ARHGAP24: variants seen among roughly 807,000 people sequenced by gnomAD.
ARHGAP24 encodes the protein rho GTPase-activating protein 24.
Under a neutral mutation model 76.4 loss-of-function variants are expected in ARHGAP24, and 50 were observed. The ratio of observed to expected loss-of-function variants is 0.65; its 90% CI spans 0.52 to 0.83. The LOEUF is 0.83. Ranked by LOEUF, ARHGAP24 falls within the 40% of genes least tolerant of loss-of-function variation. The pLI is 0.00. For missense variants in ARHGAP24, 930 were observed against 914.2 expected, an observed-to-expected ratio of 1.02 and a Z score of -0.22; for synonymous variants, 345 against 323.3, an observed-to-expected ratio of 1.07 and a Z score of -0.72.
intron 1 of ARHGAP24, among the ~76,000 whole-genome samples, chr4:85,496,381 C>T (rs1723584690): frequency 6.6e-6 from 1 of 152,220 alleles, no homozygotes; most frequent in Non-Finnish European, 1.5e-5. Context: ...AGAAATAGGT[C>T]TATCACAGTT....
At chr4:85,713,794 G>T (rs72656243) in intron 2 of ARHGAP24, among the ~76,000 whole-genome samples, 12,359 of 152,152 alleles carry the variant, frequency 0.081, 565 homozygotes, top group African/African-American at 0.11. Flanking sequence ...ATTGTTGGCA[G>T]GTGGTTTTGT....
intron 3 of ARHGAP24, among the ~76,000 whole-genome samples, chr4:85,844,381 A>G (rs73833933): frequency 0.037 from 5,687 of 152,282 alleles, 376 homozygotes; most frequent in African/African-American, 0.13. Context: ...ATATTTATTG[A>G]GTGAATACAT....
chr4:85,692,304 C>A (rs1001836794), intron 2 of ARHGAP24, among the ~76,000 whole-genome samples: 6 of 152,066 alleles, frequency 3.9e-5, no homozygotes, highest in African/African-American at 1.4e-4. Flanking sequence ...TTACTATGTG[C>A]CTTGGGAATG....
At chr4:85,492,490 C>A (rs1723399718) in intron 1 of ARHGAP24, among the ~76,000 whole-genome samples, 2 of 152,018 alleles carry the variant, frequency 1.3e-5, no homozygotes, top group South Asian at 4.1e-4. Flanking sequence ...ATAATGGATT[C>A]AAAAAAGCCT....
intron 3 of ARHGAP24, among the ~76,000 whole-genome samples, chr4:85,856,399 C>T (rs1731565915): frequency 6.6e-6 from 1 of 151,526 alleles, no homozygotes; most frequent in Admixed American, 6.6e-5. Flanking sequence ...TGCTTGTCAC[C>T]ACTTTCTTAC....
At position 85,582,764 on chromosome 4, in the gene ARHGAP24, A is replaced by T. The variant is rs570835197; in HGVS notation, c.180+12043A>T. Among the ~76,000 whole-genome samples the T allele has an allele frequency of 2.0e-3, 310 of 152,270 alleles. 2 individuals carry two copies. The highest frequency in any genetic ancestry group is 7.2e-3 in the African/African-American group (298 of 41,568). ...AAAAAACCTGCAAAAACATTTATGG[A>T]TCTCAGGTAATGGTCTGAATTGAAA... On this transcript the variant is annotated intron_variant, in intron 2 of 9. Coordinates refer to ENST00000395184, the MANE Select transcript of ARHGAP24 (RefSeq NM_001025616.3).
At chr4:85,975,160 G>A (rs923926781) in intron 7 of ARHGAP24, among the ~76,000 whole-genome samples, 199 bp downstream of exon 7, 9 of 152,192 alleles carry the variant, frequency 5.9e-5, no homozygotes, top group African/African-American at 2.2e-4. Context: ...TGATGTTTTT[G>A]AAGTTTCTCT....
intron 2 of ARHGAP24, among the ~76,000 whole-genome samples, chr4:85,683,095 A>G (rs1168491365): frequency 1.6e-5 from 1 of 61,264 alleles, no homozygotes; most frequent in African/African-American, 6.9e-5. Context: ...TCAACTCTTA[A>G]CTCTCTCAGT....
chr4:85,786,364 A>G (rs982967953), intron 3 of ARHGAP24, among the ~76,000 whole-genome samples: 6 of 152,234 alleles, frequency 3.9e-5, no homozygotes, highest in Non-Finnish European at 7.3e-5. Context: ...ATAACATCTT[A>G]GAAATCCATC....
At chr4:85,747,831 C>T (rs917452255) in intron 3 of ARHGAP24, among the ~76,000 whole-genome samples, 1 of 152,106 alleles carries the variant, frequency 6.6e-6, no homozygotes, top group Non-Finnish European at 1.5e-5. Flanking sequence ...AAGGACAGAA[C>T]CTAAATCATC....
At chr4:85,980,943 C>T (rs562951748) in intron 8 of ARHGAP24, among the ~76,000 whole-genome samples, 10 of 152,178 alleles carry the variant, frequency 6.6e-5, no homozygotes, top group South Asian at 2.1e-4. Context: ...TTCACCACCA[C>T]GCATTTACAA....
intron 3 of ARHGAP24, among the ~76,000 whole-genome samples, chr4:85,790,091 T>C (rs994181538): frequency 7.2e-5 from 11 of 152,090 alleles, no homozygotes; most frequent in Non-Finnish European, 1.3e-4. Flanking sequence ...AGTATCTGAT[T>C]CAACTAATCT....
At chr4:85,942,577 C>G (rs1737014898) in intron 5 of ARHGAP24, 1 of 289,774 alleles carries the variant, frequency 3.5e-6, no homozygotes, top group Non-Finnish European at 6.5e-6. Flanking sequence ...TAGGATTCTT[C>G]TCTTGCTTAA....
intron 2 of ARHGAP24, among the ~76,000 whole-genome samples, chr4:85,700,268 G>A (rs1451600129): frequency 1.3e-5 from 2 of 151,960 alleles, no homozygotes; most frequent in Non-Finnish European, 2.9e-5. Flanking sequence ...AAGGATGGGT[G>A]CCTGTAATCC....
chr4:85,500,874 ACCC>A (rs1213993125), intron 1 of ARHGAP24, among the ~76,000 whole-genome samples: 7 of 59,582 alleles, frequency 1.2e-4, no homozygotes, highest in Admixed American at 7.5e-4. Flanking sequence ...CCAGCCTCCC[ACCC>A]CCCCACCAAC....
chr4:85,822,868 C>T (rs1160274244), intron 3 of ARHGAP24, among the ~76,000 whole-genome samples: 3 of 152,100 alleles, frequency 2.0e-5, no homozygotes, highest in Non-Finnish European at 4.4e-5. Flanking sequence ...CAGTGAAGTC[C>T]AAAGTACACT....
chr4:85,886,416 G>A (rs994394509), intron 3 of ARHGAP24, among the ~76,000 whole-genome samples: 16 of 152,068 alleles, frequency 1.1e-4, no homozygotes, highest in Non-Finnish European at 2.2e-4. Context: ...GTCATGTAAA[G>A]GTGAGCACTT....
chr4:85,546,079 A>C (rs1725910186), intron 1 of ARHGAP24, among the ~76,000 whole-genome samples: 1 of 152,192 alleles, frequency 6.6e-6, no homozygotes, highest in Non-Finnish European at 1.5e-5. Context: ...CCTGCCTATA[A>C]AGTGGAAATA....
chr4:85,841,534 G>A (rs776817214), intron 3 of ARHGAP24, among the ~76,000 whole-genome samples: 3 of 152,212 alleles, frequency 2.0e-5, no homozygotes, highest in Non-Finnish European at 4.4e-5. Context: ...GTGTATTAGA[G>A]ATTATTGTTA....
Sources: gnomAD v4.1 joint callset for allele counts (sites outside exome capture counted in the v4.1 genomes callset) on GRCh38, gnomAD v4.1.1 for gene constraint, MANE v1.5 for transcripts, NCBI Gene and HGNC (gene_info 2026-07-23, HGNC 2026-07-21) for gene names.